UQCC1: variants seen among roughly 807,000 people sequenced by gnomAD.
UQCC1 encodes ubiquinol-cytochrome c reductase complex assembly factor 1.
UQCC1 carries 38 observed loss-of-function variants against 48.0 expected under a neutral mutation model. The observed-to-expected ratio is 0.79, with a 90% CI of 0.61 to 1.04. The LOEUF (loss-of-function observed/expected upper bound fraction) is 1.04, where lower values mean the gene tolerates loss of function less well. UQCC1 is among the 50% of genes least tolerant of loss of function. The probability of loss-of-function intolerance (pLI) is 0.00; values close to 1 mark genes in which losing one functional copy is unlikely to be tolerated. For missense variants in UQCC1, 368 were observed against 381.8 expected, an observed-to-expected ratio of 0.96 and a Z score of 0.30; for synonymous variants, 111 against 129.2, an observed-to-expected ratio of 0.86 and a Z score of 0.95.
intron 6 of UQCC1, among the ~76,000 whole-genome samples, chr20:35,364,879 T>C (rs905048563): frequency 2.6e-5 from 4 of 152,210 alleles, no homozygotes; most frequent in Admixed American, 2.0e-4. Context: ...TCTAGCTATA[T>C]GGGCAATAAA....
At chr20:35,314,591 GTAACA>G in intron 8 of UQCC1, 92 bp downstream of exon 8, 1 of 963,540 alleles carries the variant, frequency 1.0e-6, no homozygotes, top group Admixed American at 2.1e-5. Context: ...GTGGTAGCCA[GTAACA>G]ATGGTCCCTG....
intron 2 of UQCC1, among the ~76,000 whole-genome samples, chr20:35,387,405 A>G (rs1028073774): frequency 2.0e-5 from 3 of 152,212 alleles, no homozygotes; most frequent in African/African-American, 7.2e-5. Context: ...TGCTCCTTTT[A>G]GCAACTATAA....
chr20:35,369,809 T>C (rs138134986), intron 5 of UQCC1, among the ~76,000 whole-genome samples: 123 of 152,338 alleles, frequency 8.1e-4, no homozygotes, highest in Non-Finnish European at 1.5e-3. Context: ...AGAATTGAAA[T>C]TATCTTTGAA....
chr20:35,374,091 T>C, intron 5 of UQCC1, 93 bp downstream of exon 5: 1 of 953,668 alleles, frequency 1.0e-6, no homozygotes, highest in Non-Finnish European at 1.6e-6. Context: ...ACTGTTTCAC[T>C]AGGGACTAAA....
chr20:35,320,660 G>T lies in UQCC1; in HGVS notation c.574-5895C>A, dbSNP rs184161239. Reference sequence around the variant, plus strand: ...TAATACATCAGATATCCCTAGTAGAGCCAAGCTCCACTCCTGGGAAAACCT... The same window carrying T: ...TAATACATCAGATATCCCTAGTAGATCCAAGCTCCACTCCTGGGAAAACCT... On this transcript the variant is annotated intron_variant, in intron 7 of 9. Coordinates refer to ENST00000374385, the MANE Select transcript of UQCC1 (RefSeq NM_018244.5). Among the ~76,000 whole-genome samples the T allele has an allele frequency of 9.8e-5, 15 of 152,304 alleles. No individual in the cohort carries two copies. The East Asian group carries it at 2.7e-3, about 27-fold the overall frequency.
intron 5 of UQCC1, 37 bp from the exon 6 acceptor site, chr20:35,366,651 T>A (rs766014393): frequency 6.4e-7 from 1 of 1,557,846 alleles, no homozygotes; most frequent in South Asian, 1.1e-5. Context: ...ATGTGAGGGT[T>A]TAAAGGAAGC....
intron 3 of UQCC1, among the ~76,000 whole-genome samples, chr20:35,382,808 C>A (rs977846019): frequency 6.6e-6 from 1 of 152,130 alleles, no homozygotes; most frequent in South Asian, 2.1e-4. Context: ...CCGCGCCCGG[C>A]CTAATTTTCA....
Position 35,304,054 on chromosome 20 carries a change from A to T in UQCC1, c.781T>A (p.Ser261Thr). Residue 261 changes from serine to threonine, a missense_variant, in exon 10 of 10, where the codon TCC becomes ACC. Transcript: ENST00000374385. Reference sequence around the variant, plus strand: ...AGAAGCAGATCCTCCCCGTTCATGGAGTCCAGGTACTGTATCTGCAACCAG... The same window carrying T: ...AGAAGCAGATCCTCCCCGTTCATGGTGTCCAGGTACTGTATCTGCAACCAG... ...YVRKQIQYLD[S>T]MNGEDLLLTG... 2 of 1,614,104 alleles carry T rather than the reference A, an allele frequency of 1.2e-6. No individual in the cohort carries two copies. The highest frequency in any genetic ancestry group is 1.7e-6 in the Non-Finnish European group (2 of 1,179,996).
chr20:35,398,636 G>A (rs1296695077), intron 1 of UQCC1, among the ~76,000 whole-genome samples: 1 of 151,528 alleles, frequency 6.6e-6, no homozygotes, highest in Non-Finnish European at 1.5e-5. Flanking sequence ...ACAGTTACTG[G>A]TGTTTTGTTT....
intron 2 of UQCC1, chr20:35,384,632 A>G (rs758675906): frequency 2.2e-5 from 10 of 445,194 alleles, no homozygotes; most frequent in South Asian, 1.6e-4. Context: ...ACTCAGCAAG[A>G]GCAAGACCCT....
At chr20:35,405,833 A>T (rs1459278774) in intron 1 of UQCC1, among the ~76,000 whole-genome samples, 1 of 152,274 alleles carries the variant, frequency 6.6e-6, no homozygotes, top group Non-Finnish European at 1.5e-5. Context: ...GGTTGCAGTG[A>T]GCCAAGATGG....
intron 7 of UQCC1, 23 bp from the exon 8 acceptor site, chr20:35,314,788 CA>C: frequency 1.3e-6 from 2 of 1,566,754 alleles, no homozygotes; most frequent in South Asian, 1.2e-5. Flanking sequence ...ATGGCAAAAA[CA>C]AAAGTTTGAA....
rs903037255 is a variant in UQCC1 at position 35,303,947 on chromosome 20, G to C, written c.888C>G (p.Asp296Glu). 6.2e-7 allele frequency: 1 copy of C among 1,614,200 alleles called. No homozygotes were observed. Among genetic ancestry groups the C allele is most frequent in the Non-Finnish European group, 8.5e-7 (1 of 1,180,032 alleles). Reference protein sequence around the residue: ...ILKPHSPTYNDEGL With the variant: ...ILKPHSPTYNEEGL Reference sequence around the variant, plus strand: ...AGGGCCCAGCCCATCAAAGTCCCTCGTCGTTGTAAGTCGGAGAATGGGGCT... The same window carrying C: ...AGGGCCCAGCCCATCAAAGTCCCTCCTCGTTGTAAGTCGGAGAATGGGGCT... The change falls in exon 10 of 10, where the codon GAC (aspartate) becomes GAG (glutamate). Residue 296 changes from aspartate to glutamate, a missense_variant. Coordinates refer to ENST00000374385, the MANE Select transcript of UQCC1 (RefSeq NM_018244.5).
chr20:35,370,963 C>T (rs1008539218), intron 5 of UQCC1, among the ~76,000 whole-genome samples: 1 of 152,162 alleles, frequency 6.6e-6, no homozygotes, highest in African/African-American at 2.4e-5. Context: ...TCAACTGTTT[C>T]TGAAAACAAA....
chr20:35,318,418 T>C (rs1200727000), intron 7 of UQCC1, among the ~76,000 whole-genome samples: 3 of 152,262 alleles, frequency 2.0e-5, no homozygotes, highest in Non-Finnish European at 4.4e-5. Flanking sequence ...ACCTCAGTTC[T>C]TGCTTTCCAG....
chr20:35,406,739 TTTTAA>T (rs1302710027), intron 1 of UQCC1, among the ~76,000 whole-genome samples: 3 of 152,216 alleles, frequency 2.0e-5, no homozygotes, highest in Non-Finnish European at 4.4e-5. Context: ...TTCTTTTTCT[TTTTAA>T]TTTAAAAGAC....
chr20:35,366,035 C>A (rs2061662648), intron 6 of UQCC1, among the ~76,000 whole-genome samples: 2 of 152,114 alleles, frequency 1.3e-5, no homozygotes. Context: ...TTTTTGGCTA[C>A]TTATTTCACA....
chr20:35,382,609 T>C (rs1289210626), intron 3 of UQCC1, among the ~76,000 whole-genome samples: 4 of 143,312 alleles, frequency 2.8e-5, no homozygotes, highest in Non-Finnish European at 4.6e-5. Context: ...GCCTCCCGGG[T>C]TCCCGCCATT....
intron 2 of UQCC1, among the ~76,000 whole-genome samples, chr20:35,385,361 T>C (rs1181291901): frequency 6.6e-6 from 1 of 152,186 alleles, no homozygotes; most frequent in Non-Finnish European, 1.5e-5. Flanking sequence ...GGCAATAAAA[T>C]AGCCGTTATT....
Sources: gnomAD v4.1 joint callset for allele counts (sites outside exome capture counted in the v4.1 genomes callset) on GRCh38, gnomAD v4.1.1 for gene constraint, MANE v1.5 for transcripts, NCBI Gene and HGNC (gene_info 2026-07-23, HGNC 2026-07-21) for gene names.